Variants in GALNTL6 observed in about 807,000 individuals in gnomAD.
GALNTL6 encodes the protein polypeptide N-acetylgalactosaminyltransferase like 6.
GALNTL6 carries 46 observed loss-of-function variants against 73.7 expected under a neutral mutation model. The ratio of observed to expected loss-of-function variants is 0.62; its 90% CI spans 0.49 to 0.80. The LOEUF (loss-of-function observed/expected upper bound fraction) is 0.80, where lower values mean the gene tolerates loss of function less well. Ranked by LOEUF, GALNTL6 falls within the 30% of genes least tolerant of loss-of-function variation. The pLI is 0.00. For missense variants in GALNTL6, 604 were observed against 755.0 expected, an observed-to-expected ratio of 0.80 and a Z score of 2.34; for synonymous variants, 259 against 263.7, an observed-to-expected ratio of 0.98 and a Z score of 0.17.
At chr4:172,737,898 A>G (rs1437853) in intron 5 of GALNTL6, among the ~76,000 whole-genome samples, 54,701 of 152,046 alleles carry the variant, frequency 0.36, 10,909 homozygotes, top group African/African-American at 0.52. Context: ...AGGTCCCAAA[A>G]GTATTATTCT....
intron 10 of GALNTL6, among the ~76,000 whole-genome samples, chr4:172,971,623 G>A (rs1750588103): frequency 6.6e-6 from 1 of 152,172 alleles, no homozygotes; most frequent in Non-Finnish European, 1.5e-5. Flanking sequence ...TGGGGAGGAT[G>A]GAAGAAAAGC....
chr4:171,998,572 T>C (rs970619505), intron 2 of GALNTL6, among the ~76,000 whole-genome samples: 2 of 152,090 alleles, frequency 1.3e-5, no homozygotes, highest in African/African-American at 4.8e-5. Flanking sequence ...TATATAAACG[T>C]TGGGGGACAC....
Position 172,758,444 on chromosome 4 carries a change from G to A in GALNTL6, c.554-50917G>A, listed in dbSNP as rs112603793. Among the ~76,000 whole-genome samples, 120 of 152,300 alleles carry A rather than the reference G, an allele frequency of 7.9e-4. 1 individual carries two copies. Among genetic ancestry groups the A allele is most frequent in the African/African-American group, 2.7e-3 (111 of 41,584 alleles). On this transcript the variant is annotated intron_variant, in intron 5 of 12. Coordinates refer to ENST00000506823, the MANE Select transcript of GALNTL6 (RefSeq NM_001034845.3). ...CCAGCTACTTGGGAGGCTGAGGCAG[G>A]AGAATTGCTTGAACCCAGGAGGCAG...
intron 12 of GALNTL6, among the ~76,000 whole-genome samples, chr4:173,035,697 A>T (rs1753670497): frequency 6.6e-6 from 1 of 152,250 alleles, no homozygotes; most frequent in Non-Finnish European, 1.5e-5. Context: ...ATTGCACAGA[A>T]GAGCTCATTT....
intron 5 of GALNTL6, among the ~76,000 whole-genome samples, chr4:172,475,069 A>C (rs1310723976): frequency 1.3e-5 from 2 of 152,202 alleles, no homozygotes; most frequent in Non-Finnish European, 2.9e-5. Context: ...CCTTCGTTCT[A>C]GAGTTGGTGA....
intron 4 of GALNTL6, among the ~76,000 whole-genome samples, chr4:172,332,709 A>C (rs1741175412): frequency 6.6e-6 from 1 of 152,158 alleles, no homozygotes; most frequent in African/African-American, 2.4e-5. Context: ...TCTGTTCATG[A>C]ACACTTTGCT....
chr4:171,920,336 A>G (rs1344673712), intron 2 of GALNTL6, among the ~76,000 whole-genome samples: 1 of 152,100 alleles, frequency 6.6e-6, no homozygotes, highest in East Asian at 1.9e-4. Context: ...CATATGTAAC[A>G]AACCTGCATG....
At chr4:172,158,231 T>C (rs149133809) in intron 2 of GALNTL6, among the ~76,000 whole-genome samples, 3 of 152,174 alleles carry the variant, frequency 2.0e-5, no homozygotes, top group African/African-American at 7.2e-5. Context: ...ATATTTGATA[T>C]CTTTACGTGG....
At chr4:172,445,816 G>A (rs1731999027) in intron 5 of GALNTL6, among the ~76,000 whole-genome samples, 1 of 152,080 alleles carries the variant, frequency 6.6e-6, no homozygotes, top group Non-Finnish European at 1.5e-5. Flanking sequence ...AGAAGATGGT[G>A]AATAAATTTT....
At chr4:171,911,861 G>A (rs772332186) in intron 2 of GALNTL6, among the ~76,000 whole-genome samples, 2 of 152,070 alleles carry the variant, frequency 1.3e-5, no homozygotes, top group Non-Finnish European at 2.9e-5. Flanking sequence ...ATATTTTGCT[G>A]TTTTCCTAAG....
At chr4:173,028,933 T>C (rs2126530088) in intron 12 of GALNTL6, among the ~76,000 whole-genome samples, 2 of 152,364 alleles carry the variant, frequency 1.3e-5, no homozygotes, top group South Asian at 4.1e-4. Context: ...TCCATTCATT[T>C]AAAAAGTGAG....
At chr4:172,161,301 A>AT (rs1734459931) in intron 2 of GALNTL6, among the ~76,000 whole-genome samples, 1 of 151,932 alleles carries the variant, frequency 6.6e-6, no homozygotes, top group African/African-American at 2.4e-5. Context: ...ATATGTGTAT[A>AT]TTTTTTCTTA....
chr4:171,816,172 C>T (rs768463570), intron 2 of GALNTL6: 40 of 152,042 alleles, frequency 2.6e-4, no homozygotes, highest in Admixed American at 1.3e-4. Flanking sequence ...CCACTCCATG[C>T]TGGTAAAACA....
intron 2 of GALNTL6, among the ~76,000 whole-genome samples, chr4:171,895,085 A>T (rs936159713): frequency 3.3e-5 from 5 of 152,222 alleles, no homozygotes; most frequent in Admixed American, 2.0e-4. Context: ...TGTTTTAAGT[A>T]GTGATGAATT....
At position 172,820,227 on chromosome 4, in the gene GALNTL6, C is replaced by A. The variant is rs555767623; in HGVS notation, c.923+6504C>A. ...GGGCATAGAAGCTTCACTTTATTAACACAAAGGAGATAACAACAGATTGAG... is the reference window on the plus strand; with the variant it reads ...GGGCATAGAAGCTTCACTTTATTAAAACAAAGGAGATAACAACAGATTGAG... On this transcript the variant is annotated intron_variant, in intron 7 of 12. Transcript: ENST00000506823. Among the ~76,000 whole-genome samples the A allele has an allele frequency of 3.9e-5, 6 of 152,286 alleles. No homozygotes were observed. In the South Asian group the frequency reaches 1.2e-3, roughly 32 times the overall value.
At chr4:172,713,218 T>A (rs1734823691) in intron 5 of GALNTL6, among the ~76,000 whole-genome samples, 1 of 114,410 alleles carries the variant, frequency 8.7e-6, no homozygotes, top group Non-Finnish European at 1.9e-5. Flanking sequence ...AACAAAAGAA[T>A]AAGATGTGTG....
At chr4:172,720,160 A>C (rs921908396) in intron 5 of GALNTL6, among the ~76,000 whole-genome samples, 2 of 152,106 alleles carry the variant, frequency 1.3e-5, no homozygotes, top group African/African-American at 4.8e-5. Context: ...CGTAGGTTTC[A>C]GTCTCATTTG....
At chr4:172,971,452 A>G (rs775588090) in intron 10 of GALNTL6, among the ~76,000 whole-genome samples, 16 of 152,240 alleles carry the variant, frequency 1.1e-4, no homozygotes, top group Non-Finnish European at 2.2e-4. Flanking sequence ...TCTGGTAGAA[A>G]TTGGCTACAG....
chr4:171,950,315 G>T (rs1403929490), intron 2 of GALNTL6, among the ~76,000 whole-genome samples: 1 of 152,084 alleles, frequency 6.6e-6, no homozygotes. Flanking sequence ...GGAAGGGAAG[G>T]TCTGAATCAT....
Sources: allele counts gnomAD v4.1 joint callset (sites outside exome capture counted in the v4.1 genomes callset), GRCh38; gene constraint gnomAD v4.1.1; transcripts MANE v1.5; gene names NCBI Gene and HGNC (gene_info 2026-07-23, HGNC 2026-07-21).